ZNF148: variants seen among roughly 807,000 people sequenced by gnomAD.
ZNF148 encodes Beta-Enolase Repressor Factor-1.
In ZNF148, 7 loss-of-function variants were observed where a neutral mutation model predicts 67.7. The observed-to-expected ratio is 0.10, with a 90% CI of 0.06 to 0.19. The LOEUF is 0.19. Ranked by LOEUF, ZNF148 falls within the 10% of genes least tolerant of loss-of-function variation. The pLI, the probability that ZNF148 is intolerant of heterozygous loss-of-function variation, is 1.00. For synonymous variants in ZNF148, 333 were observed against 330.7 expected, an observed-to-expected ratio of 1.01 and a Z score of -0.08; for missense variants, 583 against 947.1, an observed-to-expected ratio of 0.62 and a Z score of 5.05.
At chr3:125,320,557 C>G (rs934520137) in intron 3 of ZNF148, among the ~76,000 whole-genome samples, 1 of 152,134 alleles carries the variant, frequency 6.6e-6, no homozygotes, top group Non-Finnish European at 1.5e-5. Flanking sequence ...TAATATGGAA[C>G]TTCAACTATG....
At chr3:125,330,465 CAAAA>C (rs200643048) in intron 2 of ZNF148, among the ~76,000 whole-genome samples, 6 of 118,514 alleles carry the variant, frequency 5.1e-5, no homozygotes, top group African/African-American at 2.1e-4. Context: ...AACCCTATCT[CAAAA>C]AAAAAAAAAA....
At chr3:125,317,662 T>TATAGAGAGAGAGAGAGAG (rs752542874) in intron 3 of ZNF148, among the ~76,000 whole-genome samples, 949 of 89,990 alleles carry the variant, frequency 0.011, 14 homozygotes, top group East Asian at 0.015. Context: ...TATATATATA[T>TATAGAGAGAGAGAGAGAG]AGAGAGAGAG....
At chr3:125,280,578 G>A (rs936939354) in intron 5 of ZNF148, among the ~76,000 whole-genome samples, 2 of 151,686 alleles carry the variant, frequency 1.3e-5, no homozygotes, top group African/African-American at 4.9e-5. Flanking sequence ...CTACTTGGGA[G>A]GCTGAGGATG....
Position 125,283,970 on chromosome 3 carries a change from CT to C in ZNF148, c.459+4132del, listed in dbSNP as rs111478109. On this transcript the variant is annotated intron_variant, in intron 5 of 8. Coordinates refer to ENST00000360647, the MANE Select transcript of ZNF148 (RefSeq NM_021964.3). Reference sequence around the variant, plus strand: ...TAAAGTGTTACAACAAACCCAGTTCCTTTTTTCAGTACCTGATGAGAGATCC... The same window carrying C: ...TAAAGTGTTACAACAAACCCAGTTCCTTTTTCAGTACCTGATGAGAGATCC... Among the ~76,000 whole-genome samples the C allele has an allele frequency of 3.6e-3, 552 of 152,150 alleles. 6 individuals are homozygous for C. Among genetic ancestry groups the C allele is most frequent in the African/African-American group, 0.013 (520 of 41,518 alleles).
intron 7 of ZNF148, among the ~76,000 whole-genome samples, chr3:125,270,659 T>A (rs1166619050): frequency 6.6e-6 from 1 of 152,112 alleles, no homozygotes; most frequent in East Asian, 1.9e-4. Flanking sequence ...GAAAATATTT[T>A]AAAAAGGCAA....
At chr3:125,307,550 C>T (rs929878597) in intron 4 of ZNF148, among the ~76,000 whole-genome samples, 5 of 152,144 alleles carry the variant, frequency 3.3e-5, no homozygotes, top group Admixed American at 6.5e-5. Context: ...GTGATCCGCC[C>T]GCTTCGGCCT....
rs952902025 is a variant in ZNF148 at position 125,227,967 on chromosome 3, T to C, written c.*4374A>G. 1 of 152,608 alleles carries C rather than the reference T, an allele frequency of 6.6e-6. No homozygotes were observed. Among genetic ancestry groups the C allele is most frequent in the Non-Finnish European group, 1.5e-5 (1 of 68,032 alleles). 9.5% of individuals were successfully genotyped at this position (152,608 alleles called of 1,614,324 possible). A position where few individuals can be genotyped will look rare whatever the true frequency, so the allele number is the denominator to read the frequency against. On this transcript the variant is annotated 3_prime_UTR_variant, in exon 9 of 9. Coordinates refer to ENST00000360647, the MANE Select transcript of ZNF148 (RefSeq NM_021964.3). ...CTACTCACTTGAAACTATAATAGGT[T>C]TGTCTTTCTTTGTATTGAAGTTGAA...
At chr3:125,268,887 A>T (rs1937602214) in intron 7 of ZNF148, among the ~76,000 whole-genome samples, 1 of 152,214 alleles carries the variant, frequency 6.6e-6, no homozygotes, top group South Asian at 2.1e-4. Context: ...GCATAGCAAA[A>T]GAATCAGCAG....
At chr3:125,234,412 A>C in intron 7 of ZNF148, 83 bp from the exon 8 acceptor site, 1 of 997,814 alleles carries the variant, frequency 1.0e-6, no homozygotes. Context: ...TCTAAAATAA[A>C]TGGCTTTTGA....
chr3:125,227,047 T>C lies in ZNF148; in HGVS notation c.*5294A>G, dbSNP rs574977506. The stretch of plus-strand genomic sequence containing the variant: ...TCCTTCCCAATGATTTCTTAGGGAG[T>C]TGAAGAAACAACCTGCTGCAACCTT... On this transcript the variant is annotated 3_prime_UTR_variant, in exon 9 of 9. Coordinates refer to ENST00000360647, the MANE Select transcript of ZNF148 (RefSeq NM_021964.3). 1.3e-5 allele frequency: 2 copies of C among 152,104 alleles called. No individual in the cohort carries two copies. Among genetic ancestry groups the C allele is most frequent in the East Asian group, 1.9e-4 (1 of 5,182 alleles). 9.4% of individuals were successfully genotyped at this position (152,104 alleles called of 1,614,324 possible). A position where few individuals can be genotyped will look rare whatever the true frequency, so the allele number is the denominator to read the frequency against.
rs992623899 is a variant in ZNF148, at chr3:125,225,735, A to G, written c.*6606T>C. ...GAAGATTGGAGAAGTATCATGTAGA[A>G]TATCTCCCCTCCCCTCTCCCCACCA... On this transcript the variant is annotated 3_prime_UTR_variant, in exon 9 of 9. Transcript: ENST00000360647. 3 of 152,178 alleles carry G rather than the reference A, an allele frequency of 2.0e-5. No homozygotes were observed. The highest frequency in any genetic ancestry group is 7.2e-5 in the African/African-American group (3 of 41,428). 9.4% of individuals were successfully genotyped at this position (152,178 alleles called of 1,614,324 possible).
At chr3:125,323,231 C>T (rs1460526082) in intron 3 of ZNF148, 78 bp downstream of exon 3, 1 of 447,120 alleles carries the variant, frequency 2.2e-6, no homozygotes, top group Non-Finnish European at 3.9e-6. Context: ...GTATAAAATT[C>T]TAGCAGCTGA....
chr3:125,288,548 A>C (rs976825171), intron 4 of ZNF148, among the ~76,000 whole-genome samples: 1 of 151,912 alleles, frequency 6.6e-6, no homozygotes, highest in Non-Finnish European at 1.5e-5. Context: ...TTTCATTCCC[A>C]CATTTAAGGA....
chr3:125,298,023 A>G (rs1267380419), intron 4 of ZNF148, among the ~76,000 whole-genome samples: 1 of 152,198 alleles, frequency 6.6e-6, no homozygotes, highest in African/African-American at 2.4e-5. Context: ...TACATGCAAT[A>G]ACATGGGTAT....
intron 4 of ZNF148, among the ~76,000 whole-genome samples, chr3:125,298,618 ATTTTTT>A (rs11312460): frequency 1.9e-5 from 2 of 102,656 alleles, no homozygotes; most frequent in Admixed American, 1.1e-4. Context: ...TTTATATTAA[ATTTTTT>A]TTTTTTTTTT....
intron 2 of ZNF148, among the ~76,000 whole-genome samples, 153 bp from the exon 3 acceptor site, chr3:125,323,597 T>C (rs1052469876): frequency 1.3e-5 from 2 of 152,220 alleles, no homozygotes; most frequent in African/African-American, 4.8e-5. Flanking sequence ...GACTTGTTTT[T>C]ATGTTTGAAA....
At chr3:125,291,535 G>A (rs768262797) in intron 4 of ZNF148, among the ~76,000 whole-genome samples, 5 of 152,072 alleles carry the variant, frequency 3.3e-5, no homozygotes, top group Non-Finnish European at 5.9e-5. Context: ...TAAAAGGAAG[G>A]TGGTCTTTCT....
intron 4 of ZNF148, among the ~76,000 whole-genome samples, chr3:125,311,912 G>A (rs1395397473): frequency 2.6e-5 from 4 of 152,214 alleles, no homozygotes; most frequent in Non-Finnish European, 5.9e-5. Context: ...CAGATAATCT[G>A]AAGAGACCTA....
intron 1 of ZNF148, among the ~76,000 whole-genome samples, chr3:125,366,360 C>CT (rs1942702564): frequency 6.6e-6 from 1 of 152,192 alleles, no homozygotes; most frequent in South Asian, 2.1e-4. Context: ...AACTACTTAG[C>CT]TTAGCTTTCA....
Sources: gnomAD v4.1 joint callset for allele counts (sites outside exome capture counted in the v4.1 genomes callset) on GRCh38, gnomAD v4.1.1 for gene constraint, MANE v1.5 for transcripts, NCBI Gene and HGNC (gene_info 2026-07-23, HGNC 2026-07-21) for gene names.